The following TRPM6 variants were observed in gnomAD, a reference collection of about 807,000 sequenced individuals.
TRPM6 encodes channel kinase 2.
Under a neutral mutation model 247.6 loss-of-function variants are expected in TRPM6, and 111 were observed. The observed-to-expected ratio is 0.45, with a 90% CI of 0.38 to 0.52. The LOEUF is 0.52. TRPM6 is among the 20% of genes least tolerant of loss of function. The pLI, the probability that TRPM6 is intolerant of heterozygous loss-of-function variation, is 0.00. For missense variants in TRPM6, 2,126 were observed against 2,421.5 expected (o/e 0.88, Z 2.56); for synonymous variants, 892 against 853.8 (o/e 1.04, Z -0.78).
chr9:74,739,260 C>A (rs1825785489), intron 35 of TRPM6, 107 bp downstream of exon 35: 1 of 1,095,716 alleles, frequency 9.1e-7, no homozygotes, highest in Middle Eastern at 2.0e-4. Flanking sequence ...AAAATAAGAT[C>A]ATGGGGAATT....
intron 6 of TRPM6, among the ~76,000 whole-genome samples, chr9:74,828,631 C>CTT (rs71497362): frequency 1.6e-4 from 22 of 138,608 alleles, no homozygotes; most frequent in African/African-American, 2.9e-4. Context: ...TCCTTTCTTT[C>CTT]TTTTTTTTTT....
Position 74,738,480 on chromosome 9 carries a change from C to A in TRPM6, c.5703G>T (p.Glu1901Asp). ...AGTGAGAGAAAGCCAACATCAGCTCCTCCAGGGTGTTGGTGGGGGTGATTT... is the reference window on the plus strand; with the variant it reads ...AGTGAGAGAAAGCCAACATCAGCTCATCCAGGGTGTTGGTGGGGGTGATTT... ...GDEITPTNTL[E>D]ELMLAFSHWT... is the part of the protein sequence containing the mutation. Residue 1901 changes from glutamate to aspartate, a missense_variant, in exon 36 of 39, where the codon GAG becomes GAT. Physicochemically the swap from Glu to Asp is conservative, Grantham distance 45. Transcript: ENST00000360774. 1.2e-6 allele frequency: 2 copies of A among 1,614,146 alleles called. No individual in the cohort carries two copies. The highest frequency in any genetic ancestry group is 1.7e-6 in the Non-Finnish European group (2 of 1,179,992).
At chr9:74,872,762 G>T (rs530078010) in intron 1 of TRPM6, among the ~76,000 whole-genome samples, 1 of 152,110 alleles carries the variant, frequency 6.6e-6, no homozygotes, top group East Asian at 1.9e-4. Flanking sequence ...GAGCCACTGC[G>T]CGGAACCTGA....
chr9:74,819,431 C>A (rs1181545331), intron 9 of TRPM6, among the ~76,000 whole-genome samples: 1 of 152,120 alleles, frequency 6.6e-6, no homozygotes, highest in African/African-American at 2.4e-5. Flanking sequence ...ATCACTTGAG[C>A]CCAGAAATTC....
chr9:74,815,376 A>G (rs1828890414), intron 11 of TRPM6, among the ~76,000 whole-genome samples: 1 of 152,226 alleles, frequency 6.6e-6, no homozygotes, highest in Non-Finnish European at 1.5e-5. Context: ...GTAGGAAAAA[A>G]TAGTTTAAAT....
intron 1 of TRPM6, among the ~76,000 whole-genome samples, chr9:74,867,070 A>C (rs886594344): frequency 6.6e-6 from 1 of 152,186 alleles, no homozygotes; most frequent in Non-Finnish European, 1.5e-5. Context: ...AGATGGCTAA[A>C]TTCTCATGTT....
intron 23 of TRPM6, among the ~76,000 whole-genome samples, chr9:74,777,707 G>T (rs1028008228): frequency 2.0e-5 from 3 of 152,128 alleles, no homozygotes; most frequent in African/African-American, 2.4e-5. Context: ...GGGCAGGAAG[G>T]GGTGGCTCCA....
In TRPM6 at chr9:74,762,885, T is replaced by TA; in HGVS notation, c.3785dup (p.Gly1263ArgfsTer15). The TA allele has an allele frequency of 6.2e-7, 1 of 1,613,486 alleles. No homozygotes were observed. The highest frequency in any genetic ancestry group is 8.5e-7 in the Non-Finnish European group (1 of 1,179,616). On this transcript the variant is annotated frameshift_variant, in exon 26 of 39. Transcript: ENST00000360774. LOFTEE classifies it high-confidence loss of function. ...TCTCTCCAGCGATCTCCATGCTGCC[T>TA]AGAACCTCTGCACAGATGACATTGC...
chr9:74,745,054 T>C (rs1825988369), intron 31 of TRPM6, among the ~76,000 whole-genome samples: 1 of 152,256 alleles, frequency 6.6e-6, no homozygotes, highest in South Asian at 2.1e-4. Flanking sequence ...TAAGGTGTGG[T>C]TCCCACCCTA....
chr9:74,793,786 C>A (rs1214573045), intron 18 of TRPM6, among the ~76,000 whole-genome samples: 1 of 152,186 alleles, frequency 6.6e-6, no homozygotes, highest in African/African-American at 2.4e-5. Context: ...GAACACCCTG[C>A]AACCATGTGC....
chr9:74,886,657 G>A (rs927565766), intron 1 of TRPM6, among the ~76,000 whole-genome samples: 1 of 152,072 alleles, frequency 6.6e-6, no homozygotes, highest in Non-Finnish European at 1.5e-5. Flanking sequence ...GGACTTTATA[G>A]GATTACTGCC....
At chr9:74,881,552 A>C (rs1028350329) in intron 1 of TRPM6, among the ~76,000 whole-genome samples, 2 of 152,126 alleles carry the variant, frequency 1.3e-5, no homozygotes, top group African/African-American at 4.8e-5. Context: ...AGAAAATTAA[A>C]ATAATATTTA....
At chr9:74,790,608 C>T (rs893712109) in intron 19 of TRPM6, among the ~76,000 whole-genome samples, 4 of 152,156 alleles carry the variant, frequency 2.6e-5, no homozygotes, top group Admixed American at 6.5e-5. Context: ...TGTTTGGCAA[C>T]GTCTTCTTCT....
At chr9:74,812,495 T>C (rs1828768225) in intron 11 of TRPM6, 62 bp from the exon 12 acceptor site, 1 of 1,507,388 alleles carries the variant, frequency 6.6e-7, no homozygotes, top group Admixed American at 1.7e-5. Context: ...ACTAAAGAAT[T>C]ACATGTTTTT....
At chr9:74,833,167 C>A (rs959735232) in intron 6 of TRPM6, among the ~76,000 whole-genome samples, 2 of 152,074 alleles carry the variant, frequency 1.3e-5, no homozygotes, top group African/African-American at 4.8e-5. Flanking sequence ...GCAATCAGTT[C>A]TGTTACTATT....
chr9:74,762,693 T>G lies in TRPM6; in HGVS notation c.3978A>C (p.Ile1326=). ...DQERQETQSS[I]VVSGVSPNRQ... ...TGTTAGGAGACACCCCAGAAACCACTATACTACTTTGTGTTTCTTGCCTTT... is the reference window on the plus strand; with the variant it reads ...TGTTAGGAGACACCCCAGAAACCACGATACTACTTTGTGTTTCTTGCCTTT... Residue 1326 remains isoleucine, a synonymous_variant, in exon 26 of 39, where the codon ATA becomes ATC. Coordinates refer to ENST00000360774, the MANE Select transcript of TRPM6 (RefSeq NM_017662.5). The G allele has an allele frequency of 6.2e-7, 1 of 1,614,210 alleles. No homozygotes were observed. The highest frequency in any genetic ancestry group is 8.5e-7 in the Non-Finnish European group (1 of 1,180,028).
Position 74,800,579 on chromosome 9 carries a change from G to T in TRPM6, c.2010-97C>A, listed in dbSNP as rs1209761276. Reference sequence around the variant, plus strand: ...CATTTAGAAACATTGTAAAAGATTGGATGTGAGGCTCAGAAAATATCAATT... The same window carrying T: ...CATTTAGAAACATTGTAAAAGATTGTATGTGAGGCTCAGAAAATATCAATT... On this transcript the variant is annotated intron_variant, in intron 16 of 38. Coordinates refer to ENST00000360774, the MANE Select transcript of TRPM6 (RefSeq NM_017662.5). 13 of 867,546 alleles carry T rather than the reference G, an allele frequency of 1.5e-5. No homozygotes were observed. The East Asian group carries it at 2.6e-4, about 17-fold the overall frequency. The allele number at this position is 867,546 out of a possible 1,614,324, so 53.7% of individuals were successfully genotyped here. A position where few individuals can be genotyped will look rare whatever the true frequency, so the allele number is the denominator to read the frequency against.
intron 8 of TRPM6, 39 bp from the exon 9 acceptor site, chr9:74,820,466 G>C (rs1217665320): frequency 6.2e-7 from 1 of 1,613,314 alleles, no homozygotes; most frequent in East Asian, 2.2e-5. Flanking sequence ...AACCCAGAGA[G>C]GGGAATGAGC....
chr9:74,830,749 GTTTTTTTTT>G (rs71368685), intron 6 of TRPM6, among the ~76,000 whole-genome samples: 4 of 87,262 alleles, frequency 4.6e-5, no homozygotes, highest in Non-Finnish European at 8.1e-5. Flanking sequence ...GCTAATTTTT[GTTTTTTTTT>G]TTTTTTTTTT....
Sources: gnomAD v4.1 joint callset for allele counts (sites outside exome capture counted in the v4.1 genomes callset) on GRCh38, gnomAD v4.1.1 for gene constraint, MANE v1.5 for transcripts, NCBI Gene and HGNC (gene_info 2026-07-23, HGNC 2026-07-21) for gene names.